NFIA: variants seen among roughly 807,000 people sequenced by gnomAD.
NFIA encodes nuclear factor 1 A-type.
Under a neutral mutation model 62.8 loss-of-function variants are expected in NFIA, and 8 were observed. That is an observed-to-expected ratio of 0.13 (90% CI 0.07 to 0.23). The LOEUF is 0.23. Ranked by LOEUF, NFIA falls within the 10% of genes least tolerant of loss-of-function variation. The probability of loss-of-function intolerance (pLI) is 1.00; values close to 1 mark genes in which losing one functional copy is unlikely to be tolerated. For missense variants in NFIA, 410 were observed against 642.1 expected, an observed-to-expected ratio of 0.64 and a Z score of 3.91; for synonymous variants, 235 against 238.1, an observed-to-expected ratio of 0.99 and a Z score of 0.12.
At chr1:61,406,805 A>T (rs1665861230) in intron 9 of NFIA, 78 bp downstream of exon 9, 1 of 1,430,412 alleles carries the variant, frequency 7.0e-7, no homozygotes, top group African/African-American at 1.4e-5. Flanking sequence ...TTTGTCCCTC[A>T]CTGTATAGGC....
chr1:61,410,243 A>G (rs777337417), intron 9 of NFIA, among the ~76,000 whole-genome samples: 17 of 152,148 alleles, frequency 1.1e-4, no homozygotes, highest in Non-Finnish European at 2.2e-4. Flanking sequence ...CTTCTAAGCT[A>G]TTCAGTAGGG....
intron 3 of NFIA, among the ~76,000 whole-genome samples, chr1:61,315,781 A>G (rs1008841216): frequency 6.6e-6 from 1 of 152,128 alleles, no homozygotes; most frequent in Admixed American, 6.5e-5. Flanking sequence ...AGCAATAAGG[A>G]CGGGTCATTT....
chr1:61,181,887 T>G (rs954990352), intron 2 of NFIA, among the ~76,000 whole-genome samples: 1 of 152,216 alleles, frequency 6.6e-6, no homozygotes, highest in Non-Finnish European at 1.5e-5. Flanking sequence ...CCCAATGAAT[T>G]ACTTGTGAAT....
At chr1:61,238,833 C>T (rs1655157201) in intron 2 of NFIA, among the ~76,000 whole-genome samples, 1 of 152,058 alleles carries the variant, frequency 6.6e-6, no homozygotes, top group South Asian at 2.1e-4. Flanking sequence ...TATAATGTGT[C>T]AGGGAAAGTT....
chr1:61,258,702 T>A (rs955214159), intron 2 of NFIA, among the ~76,000 whole-genome samples: 43 of 152,134 alleles, frequency 2.8e-4, no homozygotes, highest in Admixed American at 2.8e-3. Flanking sequence ...ACTAATGGAT[T>A]CCTACTACAG....
intron 2 of NFIA, among the ~76,000 whole-genome samples, chr1:61,138,848 C>G (rs1647292689): frequency 6.6e-6 from 1 of 150,914 alleles, no homozygotes; most frequent in South Asian, 2.1e-4. Flanking sequence ...TCCCAAAGTG[C>G]TACTATTACG....
chr1:61,160,788 C>T (rs934660441), intron 2 of NFIA, among the ~76,000 whole-genome samples: 5 of 152,182 alleles, frequency 3.3e-5, no homozygotes, highest in African/African-American at 9.7e-5. Flanking sequence ...TCCTGTTCCC[C>T]GAATGGTTGT....
In NFIA at chr1:61,359,522, C is replaced by T. The variant is rs570085624; in HGVS notation, c.946+248C>T. ...TGATTTTCTGCTCTTACATATTTTC[C>T]CCTACACCACAATCCAGCATTTGAT... On this transcript the variant is annotated intron_variant, in intron 6 of 10. Coordinates refer to ENST00000403491, the MANE Select transcript of NFIA (RefSeq NM_001134673.4). Among the ~76,000 whole-genome samples, 5 of 152,248 alleles carry T rather than the reference C, an allele frequency of 3.3e-5. No homozygotes were observed. In the East Asian group the frequency reaches 9.6e-4, roughly 29 times the overall value.
intron 2 of NFIA, among the ~76,000 whole-genome samples, chr1:61,167,679 G>A (rs1570302830): frequency 6.6e-6 from 1 of 152,286 alleles, no homozygotes; most frequent in Non-Finnish European, 1.5e-5. Context: ...CAGTAGAAGG[G>A]ACAAATCTAC....
At chr1:61,316,209 T>G (rs571659986) in intron 3 of NFIA, among the ~76,000 whole-genome samples, 1 of 152,242 alleles carries the variant, frequency 6.6e-6, no homozygotes, top group African/African-American at 2.4e-5. Flanking sequence ...CACTATAAAA[T>G]CTGAGTTAGA....
intron 2 of NFIA, among the ~76,000 whole-genome samples, chr1:61,221,819 A>T (rs1654033034): frequency 6.6e-6 from 1 of 152,146 alleles, no homozygotes; most frequent in South Asian, 2.1e-4. Flanking sequence ...GAAATGTTTT[A>T]GGGACTAATC....
intron 3 of NFIA, among the ~76,000 whole-genome samples, chr1:61,315,304 A>T (rs1660314044): frequency 6.6e-6 from 1 of 152,208 alleles, no homozygotes; most frequent in African/African-American, 2.4e-5. Flanking sequence ...TGCCCCTGAC[A>T]GTTAACATCT....
chr1:61,419,938 A>G (rs1372995362), intron 9 of NFIA, among the ~76,000 whole-genome samples: 2 of 152,202 alleles, frequency 1.3e-5, no homozygotes, highest in Non-Finnish European at 2.9e-5. Context: ...TGTAGAGACA[A>G]AAGATTTGCA....
At chr1:61,417,340 C>T (rs943584344) in intron 9 of NFIA, among the ~76,000 whole-genome samples, 10 of 141,652 alleles carry the variant, frequency 7.1e-5, no homozygotes, top group South Asian at 2.4e-4. Context: ...ATCTAGTATG[C>T]CATTAATTCA....
At chr1:61,220,582 C>A (rs1653954431) in intron 2 of NFIA, among the ~76,000 whole-genome samples, 1 of 152,164 alleles carries the variant, frequency 6.6e-6, no homozygotes, top group Admixed American at 6.5e-5. Flanking sequence ...ACATATGAAT[C>A]CATTTAATTA....
chr1:61,114,182 C>T (rs1646757109), intron 2 of NFIA, among the ~76,000 whole-genome samples: 1 of 152,002 alleles, frequency 6.6e-6, no homozygotes, highest in African/African-American at 2.4e-5. Flanking sequence ...CTTGAAACTT[C>T]AAAAATAACA....
At chr1:61,269,043 A>G (rs1030409555) in intron 2 of NFIA, among the ~76,000 whole-genome samples, 4 of 152,156 alleles carry the variant, frequency 2.6e-5, no homozygotes, top group Non-Finnish European at 4.4e-5. Context: ...CTGCTGATGC[A>G]TACAGCGCCA....
intron 9 of NFIA, among the ~76,000 whole-genome samples, chr1:61,421,389 G>A (rs1252646598): frequency 6.6e-6 from 1 of 152,200 alleles, no homozygotes; most frequent in African/African-American, 2.4e-5. Flanking sequence ...TCTCTATGAT[G>A]CACTGCGGAA....
intron 2 of NFIA, among the ~76,000 whole-genome samples, chr1:61,095,679 T>C (rs904998527): frequency 2.0e-5 from 3 of 152,218 alleles, no homozygotes; most frequent in African/African-American, 7.2e-5. Context: ...GGTCAAAATC[T>C]GAAATGATTT....
Sources: allele counts gnomAD v4.1 joint callset (sites outside exome capture counted in the v4.1 genomes callset), GRCh38; gene constraint gnomAD v4.1.1; transcripts MANE v1.5; gene names NCBI Gene and HGNC (gene_info 2026-07-23, HGNC 2026-07-21).